DAB1: variants seen among roughly 807,000 people sequenced by gnomAD.
DAB1 encodes disabled homolog 1.
In DAB1, 15 loss-of-function variants were observed where a neutral mutation model predicts 64.6. That is an observed-to-expected ratio of 0.23 (90% confidence interval 0.16 to 0.36). DAB1 has a LOEUF of 0.36. DAB1 is among the 10% of genes least tolerant of loss of function. DAB1 has a pLI of 1.00. For missense variants in DAB1, 596 were observed against 706.7 expected, an observed-to-expected ratio of 0.84 and a Z score of 1.78; for synonymous variants, 235 against 251.9, an observed-to-expected ratio of 0.93 and a Z score of 0.64.
intron 4 of DAB1, among the ~76,000 whole-genome samples, chr1:58,292,470 A>C (rs1661867645): frequency 6.6e-6 from 1 of 152,238 alleles, no homozygotes. Flanking sequence ...ATACATAGGC[A>C]CTAGGCTGAT....
At chr1:58,031,989 CGTGTGTGTGTGTGTGTGT>C (rs59449665) in intron 5 of DAB1, among the ~76,000 whole-genome samples, 2,196 of 141,982 alleles carry the variant, frequency 0.015, 49 homozygotes, top group African/African-American at 0.051. Flanking sequence ...CTGATAGAAA[CGTGTGTGTGTGTGTGTGT>C]GTGTGTGTGT....
chr1:57,542,110 G>A (rs1276743409), intron 7 of DAB1, among the ~76,000 whole-genome samples: 2 of 152,212 alleles, frequency 1.3e-5, no homozygotes, highest in Non-Finnish European at 2.9e-5. Flanking sequence ...ATAGAAAAAT[G>A]TATGTGATTA....
At chr1:58,506,877 A>T (rs1311795638) in intron 2 of DAB1, among the ~76,000 whole-genome samples, 1 of 152,150 alleles carries the variant, frequency 6.6e-6, no homozygotes, top group Non-Finnish European at 1.5e-5. Context: ...AATACCTTAT[A>T]AAAGTACAAT....
In DAB1 at chr1:58,144,905, G is replaced by A. The variant is rs191455511; in HGVS notation, n.387+5606C>T. Reference sequence around the variant, plus strand: ...GTCTCCTAGGCAGACAGAACTCCTTGTACCTAGTTTAATCTTCCTTCTATA... The same window carrying A: ...GTCTCCTAGGCAGACAGAACTCCTTATACCTAGTTTAATCTTCCTTCTATA... On this transcript the variant is annotated intron_variant and non_coding_transcript_variant, in intron 5 of 20. Coordinates refer to the DAB1 transcript ENST00000485760. 2.0e-3 allele frequency among the ~76,000 whole-genome samples: 303 copies of A among 152,228 alleles called. 1 individual carries two copies. Among genetic ancestry groups the A allele is most frequent in the African/African-American group, 6.1e-3 (255 of 41,532 alleles).
At chr1:57,691,415 G>C (rs547567666) in intron 6 of DAB1, among the ~76,000 whole-genome samples, 1 of 152,254 alleles carries the variant, frequency 6.6e-6, no homozygotes, top group African/African-American at 2.4e-5. Flanking sequence ...GATGTGGGTA[G>C]GGCCAAATAA....
intron 6 of DAB1, among the ~76,000 whole-genome samples, chr1:57,728,481 C>A (rs1243801417): frequency 6.6e-6 from 1 of 152,048 alleles, no homozygotes; most frequent in East Asian, 1.9e-4. Context: ...GTAGTTCCAG[C>A]TGCTCAGGAG....
intron 1 of DAB1, among the ~76,000 whole-genome samples, chr1:57,383,050 G>A (rs2100976760): frequency 6.6e-6 from 1 of 152,184 alleles, no homozygotes; most frequent in Non-Finnish European, 1.5e-5. Flanking sequence ...AAAAATAAAA[G>A]TAGAGAAAGG....
At chr1:57,337,450 G>A (rs1220165049) in intron 1 of DAB1, among the ~76,000 whole-genome samples, 1 of 152,162 alleles carries the variant, frequency 6.6e-6, no homozygotes, top group Non-Finnish European at 1.5e-5. Context: ...GAAGACTCCT[G>A]CAGCCTCCTT....
chr1:58,230,280 C>T (rs887863276), intron 4 of DAB1, among the ~76,000 whole-genome samples: 2 of 152,160 alleles, frequency 1.3e-5, no homozygotes, highest in Non-Finnish European at 2.9e-5. Flanking sequence ...ACCTTGGTGT[C>T]GGGCCTTTAA....
chr1:58,236,565 C>A lies in DAB1; in HGVS notation n.310-85977G>T, dbSNP rs372879750. Reference sequence around the variant, plus strand: ...GCTCATTGGAATAACATAGTGAAATCAAGGTGATTATTTACAGAAATAAGA... The same window carrying A: ...GCTCATTGGAATAACATAGTGAAATAAAGGTGATTATTTACAGAAATAAGA... On this transcript the variant is annotated intron_variant and non_coding_transcript_variant, in intron 4 of 20. Transcript: ENST00000485760. Among the ~76,000 whole-genome samples the A allele has an allele frequency of 7.4e-4, 113 of 152,260 alleles. 1 individual carries two copies. The South Asian group carries it at 8.7e-3, about 12-fold the overall frequency.
chr1:57,482,079 A>C (rs1246132333), intron 7 of DAB1, among the ~76,000 whole-genome samples: 2 of 152,216 alleles, frequency 1.3e-5, no homozygotes, highest in East Asian at 3.9e-4. Context: ...TCTATGCATG[A>C]GGGGGAAATA....
At chr1:57,878,904 A>G (rs899310887) in intron 1 of DAB1, 3 of 152,138 alleles carry the variant, frequency 2.0e-5, no homozygotes, top group Non-Finnish European at 2.9e-5. Context: ...TAGCCCCCAC[A>G]TACGAGTAAG....
chr1:58,411,021 G>A (rs1296145573), intron 3 of DAB1, among the ~76,000 whole-genome samples: 1 of 152,194 alleles, frequency 6.6e-6, no homozygotes, highest in East Asian at 1.9e-4. Context: ...GAAACTTGGA[G>A]ACCATCTAAT....
intron 7 of DAB1, among the ~76,000 whole-genome samples, chr1:57,494,005 A>T (rs1236791663): frequency 6.6e-6 from 1 of 152,170 alleles, no homozygotes. Flanking sequence ...ATATGGTAAA[A>T]CTGTTTATTC....
chr1:57,682,783 C>T (rs79114629), intron 6 of DAB1, among the ~76,000 whole-genome samples: 22,928 of 152,102 alleles, frequency 0.15, 2,032 homozygotes, highest in Admixed American at 0.25. Flanking sequence ...AGGTGTCCAT[C>T]CCCCAGGACT....
intron 2 of DAB1, 66 bp downstream of exon 2, chr1:57,290,898 A>G (rs938021638): frequency 1.1e-6 from 1 of 937,626 alleles, no homozygotes; most frequent in South Asian, 1.5e-5. Context: ...ATATCATTCC[A>G]GAGATCTAAA....
intron 1 of DAB1, among the ~76,000 whole-genome samples, chr1:57,347,524 T>C (rs909883608): frequency 2.0e-5 from 3 of 152,210 alleles, no homozygotes; most frequent in African/African-American, 7.2e-5. Context: ...TTTATCATTA[T>C]TCCAATGATC....
At chr1:57,472,184 A>C (rs1262622873) in intron 7 of DAB1, among the ~76,000 whole-genome samples, 1 of 152,256 alleles carries the variant, frequency 6.6e-6, no homozygotes, top group East Asian at 1.9e-4. Flanking sequence ...TTTTCCCTGC[A>C]CATGTTCTTG....
intron 4 of DAB1, among the ~76,000 whole-genome samples, chr1:58,332,354 T>A (rs1557733452): frequency 6.6e-6 from 1 of 152,170 alleles, no homozygotes; most frequent in Non-Finnish European, 1.5e-5. Flanking sequence ...TCCCCCAGGT[T>A]TCCTTCTTCA....
Sources: gnomAD v4.1 joint callset for allele counts (sites outside exome capture counted in the v4.1 genomes callset) on GRCh38, gnomAD v4.1.1 for gene constraint, MANE v1.5 for transcripts, NCBI Gene and HGNC (gene_info 2026-07-23, HGNC 2026-07-21) for gene names.